The following FER1L6 variants were observed in gnomAD, a reference collection of about 807,000 sequenced individuals.
FER1L6 encodes fer-1 like family member 6.
Under a neutral mutation model 219.2 loss-of-function variants are expected in FER1L6, and 177 were observed. The ratio of observed to expected loss-of-function variants is 0.81; its 90% CI spans 0.71 to 0.91. The LOEUF (loss-of-function observed/expected upper bound fraction) is 0.91. Ranked by LOEUF, FER1L6 falls within the 40% of genes least tolerant of loss-of-function variation. FER1L6 has a pLI of 0.00. For missense variants in FER1L6, 2,153 were observed against 2,259.9 expected, an observed-to-expected ratio of 0.95 and a Z score of 0.96; for synonymous variants, 768 against 824.3, an observed-to-expected ratio of 0.93 and a Z score of 1.17.
chr8:123,901,978 C>A (rs1812867969), intron 1 of FER1L6, among the ~76,000 whole-genome samples: 1 of 152,104 alleles, frequency 6.6e-6, no homozygotes, highest in Non-Finnish European at 1.5e-5. Context: ...CTCAGCCTCC[C>A]CAAGTACTGG....
chr8:123,899,840 G>C (rs535855183), intron 1 of FER1L6, among the ~76,000 whole-genome samples: 1 of 152,160 alleles, frequency 6.6e-6, no homozygotes, highest in Non-Finnish European at 1.5e-5. Context: ...TCTCTATTCT[G>C]TTCCATTGGT....
chr8:124,112,878 A>T (rs1431519815), intron 39 of FER1L6, among the ~76,000 whole-genome samples: 1 of 152,208 alleles, frequency 6.6e-6, no homozygotes, highest in East Asian at 1.9e-4. Flanking sequence ...GATTTTTAAG[A>T]TAGGGTGTAT....
intron 1 of FER1L6, among the ~76,000 whole-genome samples, chr8:123,938,418 ATTTGGTGGAACCAT>A (rs965519792): frequency 2.0e-5 from 3 of 152,180 alleles, no homozygotes; most frequent in African/African-American, 7.2e-5. Flanking sequence ...GACTTTTGAC[ATTTGGTGGAACCAT>A]TTTTAACATG....
chr8:123,935,891 C>T (rs1813968620), intron 1 of FER1L6, among the ~76,000 whole-genome samples: 1 of 146,624 alleles, frequency 6.8e-6, no homozygotes, highest in South Asian at 2.1e-4. Context: ...TAAGGGGGAC[C>T]AACAGAAGGA....
rs1822026197 is a variant in FER1L6, at chr8:124,091,493, A to G, written c.4462A>G (p.Lys1488Glu). 2 of 1,613,816 alleles carry G rather than the reference A, an allele frequency of 1.2e-6. No individual in the cohort carries two copies. The highest frequency in any genetic ancestry group is 1.7e-6 in the Non-Finnish European group (2 of 1,179,794). The change falls in exon 34 of 41, where the codon AAG becomes GAG. Residue 1488 changes from lysine (K) to glutamate (E), a missense_variant. Physicochemically the swap from Lys to Glu is moderately conservative, Grantham distance 56. Coordinates refer to ENST00000522917, the MANE Select transcript of FER1L6 (RefSeq NM_001039112.2). ...CCTCACTAAGCTCTGCAAAGACAACAAGCTGGATGGACCCTACTTTCACCC... is the reference window on the plus strand; with the variant it reads ...CCTCACTAAGCTCTGCAAAGACAACGAGCTGGATGGACCCTACTTTCACCC... The part of the protein sequence containing the change: ...EILTKLCKDN[K>E]LDGPYFHPGK...
intron 12 of FER1L6, among the ~76,000 whole-genome samples, chr8:124,002,363 C>T (rs930553839): frequency 6.6e-6 from 1 of 152,018 alleles, no homozygotes; most frequent in Non-Finnish European, 1.5e-5. Flanking sequence ...AGGCAGGGGT[C>T]AGGAACGAAG....
chr8:123,856,316 G>GTGTGTGTATATATATATATA (rs71576706), intron 1 of FER1L6, among the ~76,000 whole-genome samples: 1 of 45,084 alleles, frequency 2.2e-5, no homozygotes, highest in Non-Finnish European at 4.6e-5. Flanking sequence ...ATATGTATGT[G>GTGTGTGTATATATATATATA]TATATATATA....
intron 1 of FER1L6, among the ~76,000 whole-genome samples, chr8:123,870,518 A>G (rs1415156672): frequency 6.6e-6 from 1 of 152,354 alleles, no homozygotes; most frequent in Non-Finnish European, 1.5e-5. Flanking sequence ...AAATGTATAC[A>G]TCTTCAATGC....
intron 1 of FER1L6, among the ~76,000 whole-genome samples, chr8:123,897,247 A>G (rs1812762384): frequency 6.6e-6 from 1 of 152,104 alleles, no homozygotes; most frequent in African/African-American, 2.4e-5. Context: ...ACCAACCAGG[A>G]TATTCTTTGC....
chr8:123,889,437 G>A (rs888744497), intron 1 of FER1L6, among the ~76,000 whole-genome samples: 7 of 151,982 alleles, frequency 4.6e-5, no homozygotes, highest in African/African-American at 1.4e-4. Flanking sequence ...TATGATATGG[G>A]GAAATATGTT....
intron 12 of FER1L6, among the ~76,000 whole-genome samples, chr8:123,988,473 C>CT (rs1421155090): frequency 1.3e-4 from 20 of 152,226 alleles, no homozygotes; most frequent in Middle Eastern, 3.4e-3. Context: ...ATATGTCTCT[C>CT]TTTTTTTGTG....
chr8:124,033,494 G>A (rs1229170170), intron 18 of FER1L6, among the ~76,000 whole-genome samples: 2 of 151,454 alleles, frequency 1.3e-5, no homozygotes, highest in African/African-American at 4.9e-5. Context: ...AAACTTACTT[G>A]ATTTTTTTTT....
intron 12 of FER1L6, among the ~76,000 whole-genome samples, chr8:124,000,074 G>A (rs964719229): frequency 1.6e-4 from 24 of 152,198 alleles, no homozygotes; most frequent in African/African-American, 4.3e-4. Flanking sequence ...ATTTGCTTCT[G>A]GCTAAGTCTG....
At chr8:124,083,176 G>A (rs1052392101) in intron 33 of FER1L6, among the ~76,000 whole-genome samples, 1 of 147,556 alleles carries the variant, frequency 6.8e-6, no homozygotes, top group African/African-American at 2.5e-5. Context: ...TACTCTCTTA[G>A]TTATTTTAAA....
rs752585978 is a variant in FER1L6, at chr8:124,061,921, A to G, written c.3217A>G (p.Arg1073Gly). 12 of 1,614,152 alleles carry G rather than the reference A, an allele frequency of 7.4e-6. No individual in the cohort carries two copies. In the East Asian group the frequency reaches 2.5e-4, roughly 33 times the overall value. ...CGTGGTGGACTGGAGAGCTTTTGGG[A>G]GGAGTACCCTTGTGGGCACCTACAC... ...ICVVDWRAFGRSTLVGTYTIN... is the reference protein window; with the variant it reads ...ICVVDWRAFGGSTLVGTYTIN... Residue 1073 changes from arginine (R) to glycine (G), a missense_variant, in exon 25 of 41, where the codon AGG becomes GGG. By Grantham distance (125) the Arg-to-Gly change is moderately radical. Coordinates refer to ENST00000522917, the MANE Select transcript of FER1L6 (RefSeq NM_001039112.2).
chr8:123,879,889 T>C (rs1817075571), intron 1 of FER1L6, among the ~76,000 whole-genome samples: 1 of 152,184 alleles, frequency 6.6e-6, no homozygotes, highest in African/African-American at 2.4e-5. Flanking sequence ...GTTTGTCCAT[T>C]GGATGCTGCC....
intron 10 of FER1L6, among the ~76,000 whole-genome samples, chr8:123,978,835 G>C (rs1816204589): frequency 1.3e-5 from 2 of 152,082 alleles, no homozygotes; most frequent in Admixed American, 1.3e-4. Flanking sequence ...AAATACCTTT[G>C]TCTAAATCTT....
At position 124,103,430 on chromosome 8, in the gene FER1L6, G is replaced by A. The variant is rs539934239; in HGVS notation, c.5289+121G>A. On this transcript the variant is annotated intron_variant, in intron 39 of 40. Transcript: ENST00000522917. ...TGAAATGACATGAACCCTTCATGCA[G>A]AGGTTCTGCTAAGAAGCAAGAATTT... The A allele has an allele frequency of 2.1e-4, 205 of 960,826 alleles. 4 individuals are homozygous for A. The South Asian group carries it at 3.4e-3, about 16-fold the overall frequency. 59.5% of individuals were successfully genotyped at this position (960,826 alleles called of 1,614,324 possible). A position where few individuals can be genotyped will look rare whatever the true frequency, so the allele number is the denominator to read the frequency against.
At chr8:124,069,279 C>A in intron 28 of FER1L6, 81 bp from the exon 29 acceptor site, 1 of 1,077,326 alleles carries the variant, frequency 9.3e-7, no homozygotes, top group Non-Finnish European at 1.4e-6. Flanking sequence ...GACATGTCAG[C>A]AAAAGGAAAG....
Sources: gnomAD v4.1 joint callset for allele counts (sites outside exome capture counted in the v4.1 genomes callset) on GRCh38, gnomAD v4.1.1 for gene constraint, MANE v1.5 for transcripts, NCBI Gene and HGNC (gene_info 2026-07-23, HGNC 2026-07-21) for gene names.